The following TMTC4 variants were observed in gnomAD, a reference collection of about 807,000 sequenced individuals.
The protein encoded by TMTC4 is protein O-mannosyl-transferase TMTC4.
TMTC4 carries 65 observed loss-of-function variants against 86.0 expected under a neutral mutation model. The observed-to-expected ratio is 0.76, with a 90% confidence interval of 0.62 to 0.93. The LOEUF is 0.93. Ranked by LOEUF, TMTC4 falls within the 40% of genes least tolerant of loss-of-function variation. The probability of loss-of-function intolerance (pLI) is 0.00; values close to 1 mark genes in which losing one functional copy is unlikely to be tolerated. For missense variants in TMTC4, 866 were observed against 948.1 expected (o/e 0.91, Z 1.14); for synonymous variants, 379 against 382.5 (o/e 0.99, Z 0.11).
At chr13:100,651,346 A>G (rs1884407579) in intron 6 of TMTC4, among the ~76,000 whole-genome samples, 1 of 152,178 alleles carries the variant, frequency 6.6e-6, no homozygotes, top group African/African-American at 2.4e-5. Flanking sequence ...TTGGGCATTC[A>G]GAAGTAATAC....
At chr13:100,656,529 T>G in intron 5 of TMTC4, 61 bp from the exon 6 acceptor site, 1 of 1,126,798 alleles carries the variant, frequency 8.9e-7, no homozygotes, top group Non-Finnish European at 1.3e-6. Flanking sequence ...AATCCTAAAC[T>G]TAGGAGACAT....
Position 100,636,712 on chromosome 13 carries a change from T to C in TMTC4, c.1022A>G (p.Tyr341Cys), listed in dbSNP as rs1369859292. The C allele has an allele frequency of 2.5e-6, 4 of 1,613,998 alleles. No homozygotes were observed. Among genetic ancestry groups the C allele is most frequent in the Non-Finnish European group, 3.4e-6 (4 of 1,180,016 alleles). The change falls in exon 10 of 19, where the codon TAT becomes TGT. Residue 341 changes from tyrosine to cysteine, a missense_variant. Tyr to Cys is a radical substitution (Grantham distance 194). Coordinates refer to ENST00000342624, the MANE Select transcript of TMTC4 (RefSeq NM_032813.5). ...CAGCAGCAGCCAGGCATTCAATGAA[T>C]AGTAGTAATTGTAGTTTACGGCCTG... ...LVRAVNYNYY[Y>C]SLNAWLLLCP... is the part of the protein sequence containing the mutation.
chr13:100,613,766 T>TTCCC (rs1281234645), intron 16 of TMTC4, among the ~76,000 whole-genome samples: 4 of 128,588 alleles, frequency 3.1e-5, no homozygotes, highest in African/African-American at 8.7e-5. Flanking sequence ...CTTCCCTCCC[T>TTCCC]TCCCTCCCTC....
At chr13:100,641,774 A>G (rs1883050605) in intron 7 of TMTC4, among the ~76,000 whole-genome samples, 1 of 152,224 alleles carries the variant, frequency 6.6e-6, no homozygotes, top group African/African-American at 2.4e-5. Context: ...GGCGTGAGCC[A>G]TGGCGCCCGG....
rs534623448 is a variant in TMTC4, at chr13:100,630,154, T to C, written c.1507-4004A>G. Among the ~76,000 whole-genome samples the C allele has an allele frequency of 3.3e-4, 50 of 152,142 alleles. 1 individual carries two copies. Among genetic ancestry groups the C allele is most frequent in the Non-Finnish European group, 6.2e-4 (42 of 68,026 alleles). ...GTTTAAACACATTCAAATAACATTATGTCTGAACACTGCTTCCAAATGACC... is the reference window on the plus strand; with the variant it reads ...GTTTAAACACATTCAAATAACATTACGTCTGAACACTGCTTCCAAATGACC... On this transcript the variant is annotated intron_variant, in intron 12 of 18. Transcript: ENST00000342624.
In TMTC4 at chr13:100,605,315, G is replaced by C. The variant is rs1267934379; in HGVS notation, c.2135-173C>G. 1.3e-5 allele frequency among the ~76,000 whole-genome samples: 2 copies of C among 152,150 alleles called. No individual in the cohort carries two copies. Among genetic ancestry groups the C allele is most frequent in the Non-Finnish European group, 2.9e-5 (2 of 68,036 alleles). ...TCTATTTATTGTAATCACACTCCCT[G>C]ATGATTATCCATTTACTGCCAGTTA... On this transcript the variant is annotated intron_variant, in intron 18 of 18. Transcript: ENST00000342624. This position sits in a 1 kb window ranked among gnomAD's most constrained non-coding sequence, Gnocchi z 4.3.
chr13:100,667,070 C>G (rs1302954434), intron 3 of TMTC4, among the ~76,000 whole-genome samples: 1 of 152,188 alleles, frequency 6.6e-6, no homozygotes, highest in African/African-American at 2.4e-5. Flanking sequence ...TAAAAAAGAA[C>G]TGAAACAGAA....
At chr13:100,617,364 T>C (rs949650035) in intron 15 of TMTC4, among the ~76,000 whole-genome samples, 1 of 152,188 alleles carries the variant, frequency 6.6e-6, no homozygotes, top group East Asian at 1.9e-4. Flanking sequence ...TTCAAACTCC[T>C]GGGCTCAAGC....
At chr13:100,618,207 GTTGTTT>G (rs1355743556) in intron 15 of TMTC4, among the ~76,000 whole-genome samples, 1 of 152,150 alleles carries the variant, frequency 6.6e-6, no homozygotes, top group Non-Finnish European at 1.5e-5. Context: ...CTTTACTGAA[GTTGTTT>G]ATGAGTTCCA....
chr13:100,647,818 A>G (rs1241917059), intron 6 of TMTC4, among the ~76,000 whole-genome samples: 2 of 152,216 alleles, frequency 1.3e-5, no homozygotes, highest in Non-Finnish European at 2.9e-5. Flanking sequence ...GGAATTTAAA[A>G]TGGCTTTCTC....
intron 12 of TMTC4, among the ~76,000 whole-genome samples, chr13:100,633,337 A>G (rs1427848079): frequency 7.0e-6 from 1 of 142,206 alleles, no homozygotes; most frequent in Non-Finnish European, 1.6e-5. Context: ...AAAAAAAAAA[A>G]AAAAAGCTAA....
rs189119631 is a variant in TMTC4 at position 100,629,490 on chromosome 13, T to C, written c.1507-3340A>G. 1.7e-4 allele frequency among the ~76,000 whole-genome samples: 26 copies of C among 152,270 alleles called. No individual in the cohort carries two copies. In the East Asian group the frequency reaches 5.0e-3, roughly 29 times the overall value. The stretch of plus-strand genomic sequence containing the variant: ...CTTCGGGGCCATTCAGCGTCTCATC[T>C]AGGGCTGTGAAGTTGGATTAGAACC... On this transcript the variant is annotated intron_variant, in intron 12 of 18. Coordinates refer to ENST00000342624, the MANE Select transcript of TMTC4 (RefSeq NM_032813.5).
intron 6 of TMTC4, among the ~76,000 whole-genome samples, chr13:100,648,071 G>A (rs1883976435): frequency 6.6e-6 from 1 of 151,658 alleles, no homozygotes; most frequent in African/African-American, 2.4e-5. Context: ...AAAGATGAAG[G>A]TAATGTTTCT....
intron 1 of TMTC4, among the ~76,000 whole-genome samples, chr13:100,672,623 T>G (rs1341520419): frequency 6.6e-6 from 1 of 152,158 alleles, no homozygotes; most frequent in Non-Finnish European, 1.5e-5. Context: ...CCCAAGTAGC[T>G]GGGACTATAG....
At chr13:100,673,967 A>G in intron 1 of TMTC4, 1 of 938,236 alleles carries the variant, frequency 1.1e-6, no homozygotes, top group Non-Finnish European at 1.3e-6. Flanking sequence ...GGGATGACTC[A>G]TAGTGGCTAG....
intron 1 of TMTC4, among the ~76,000 whole-genome samples, chr13:100,671,845 C>G (rs1157450382): frequency 7.2e-6 from 1 of 139,750 alleles, no homozygotes; most frequent in Non-Finnish European, 1.5e-5. Flanking sequence ...CATAGTGGAA[C>G]AGTTTGGAAA....
rs118179142 is a variant in TMTC4 at position 100,626,051 on chromosome 13, G to A, written c.1586+20C>T. ...AACGATCTGTGTACATAATTCTTCT[G>A]TAAGACATACTCGCCATACCTTACA... is the stretch of plus-strand genomic sequence containing the variant. On this transcript the variant is annotated intron_variant, in intron 13 of 18. Transcript: ENST00000342624. The A allele has an allele frequency of 1.9e-4, 307 of 1,614,038 alleles. No individual in the cohort carries two copies. The highest frequency in any genetic ancestry group is 4.2e-4 in the South Asian group (38 of 91,086).
chr13:100,671,613 T>G (rs893267069), intron 1 of TMTC4, among the ~76,000 whole-genome samples: 2 of 152,118 alleles, frequency 1.3e-5, no homozygotes, highest in African/African-American at 4.8e-5. Context: ...GATGATCTCC[T>G]CCTCTGCTCT....
chr13:100,620,703 A>G (rs920966694), intron 15 of TMTC4, among the ~76,000 whole-genome samples: 1 of 152,060 alleles, frequency 6.6e-6, no homozygotes, highest in African/African-American at 2.4e-5. Context: ...GATTAGTAAT[A>G]TGTCCCAGTA....
Sources: gnomAD v4.1 joint callset for allele counts (sites outside exome capture counted in the v4.1 genomes callset) on GRCh38, gnomAD v4.1.1 for gene constraint, Gnocchi (gnomAD v3.1) non-coding constraint, MANE v1.5 for transcripts, NCBI Gene and HGNC (gene_info 2026-07-23, HGNC 2026-07-21) for gene names.